ZSWIM9: variants seen among roughly 807,000 people sequenced by gnomAD.
ZSWIM9 encodes uncharacterized protein ZSWIM9.
A neutral mutation model predicts 25.0 loss-of-function variants in ZSWIM9; 11 were observed. The ratio of observed to expected loss-of-function variants is 0.44; its 90% CI spans 0.28 to 0.73. ZSWIM9 has a LOEUF of 0.73. ZSWIM9 is among the 30% of genes least tolerant of loss of function. The probability of loss-of-function intolerance (pLI) is 0.16; values close to 1 mark genes in which losing one functional copy is unlikely to be tolerated. For synonymous variants in ZSWIM9, 562 were observed against 582.1 expected, an observed-to-expected ratio of 0.97 and a Z score of 0.50; for missense variants, 1,070 against 1,296.5, an observed-to-expected ratio of 0.83 and a Z score of 2.68.
intron 2 of ZSWIM9, among the ~76,000 whole-genome samples, chr19:48,172,961 G>A (rs2036856005): frequency 6.6e-6 from 1 of 152,162 alleles, no homozygotes; most frequent in Non-Finnish European, 1.5e-5. Context: ...GAAGAGCCAG[G>A]TTTTGTACAC....
At chr19:48,174,991 G>C (rs2036878101) in intron 2 of ZSWIM9, 1 of 152,190 alleles carries the variant, frequency 6.6e-6, no homozygotes, top group African/African-American at 2.4e-5. Flanking sequence ...TAGTGAGAGT[G>C]AGATTGAGGG....
chr19:48,179,043 C>CA (rs1387122223), intron 2 of ZSWIM9, among the ~76,000 whole-genome samples: 1 of 152,118 alleles, frequency 6.6e-6, no homozygotes, highest in African/African-American at 2.4e-5. Context: ...TAAAATCTGC[C>CA]AAAAAATGCT....
chr19:48,173,360 G>A (rs540455209), intron 2 of ZSWIM9, among the ~76,000 whole-genome samples: 2 of 152,284 alleles, frequency 1.3e-5, no homozygotes, highest in East Asian at 3.9e-4. Context: ...GAGCAGTAGT[G>A]CGATCTTGGC....
Position 48,182,913 on chromosome 19 carries a change from C to T in ZSWIM9, c.588+146C>T, listed in dbSNP as rs977138941. On this transcript the variant is annotated intron_variant, in intron 3 of 3. Coordinates refer to ENST00000614654, the MANE Select transcript of ZSWIM9 (RefSeq NM_199341.4). This position sits in a 1 kb window ranked among gnomAD's most constrained non-coding sequence, Gnocchi z 4.6. The stretch of plus-strand genomic sequence containing the variant: ...GTTCATTCATTCAATAAGTACTTAC[C>T]GAGGCATTGGGGATGCAGCAGCAAA... 1.6e-5 allele frequency: 11 copies of T among 678,462 alleles called. No homozygotes were observed. Among genetic ancestry groups the T allele is most frequent in the South Asian group, 3.8e-5 (2 of 52,134 alleles). 42.0% of individuals were successfully genotyped at this position (678,462 alleles called of 1,614,324 possible).
At chr19:48,187,528 TATA>T (rs2037037573) in intron 3 of ZSWIM9, 1 of 83,702 alleles carries the variant, frequency 1.2e-5, no homozygotes, top group Admixed American at 2.1e-4. Flanking sequence ...TATTATATAT[TATA>T]TTATTATTAT....
Position 48,195,906 on chromosome 19 carries a change from T to A in ZSWIM9, c.1842T>A (p.Phe614Leu). 1 of 1,384,934 alleles carries A rather than the reference T, an allele frequency of 7.2e-7. No homozygotes were observed. Among genetic ancestry groups the A allele is most frequent in the Non-Finnish European group, 9.3e-7 (1 of 1,074,154 alleles). 85.8% of individuals were successfully genotyped at this position (1,384,934 alleles called of 1,614,324 possible). ...RSTTDLRGTQ[F>L]DYERVRSLEG... Reference sequence around the variant, plus strand: ...CCACCGACCTGAGGGGGACCCAGTTTGACTATGAGAGGGTCAGGAGTCTTG... The same window carrying A: ...CCACCGACCTGAGGGGGACCCAGTTAGACTATGAGAGGGTCAGGAGTCTTG... The change falls in exon 4 of 4, where the codon TTT (phenylalanine) becomes TTA (leucine). Residue 614 changes from phenylalanine (F) to leucine (L), a missense_variant. Around this residue, in one of 4 missense-constraint regions of ZSWIM9, gnomAD observed 583 missense variants for 624.7 expected, o/e 0.93. Coordinates refer to ENST00000614654, the MANE Select transcript of ZSWIM9 (RefSeq NM_199341.4). The surrounding 1 kb of genome is among the most constrained non-coding windows in gnomAD (Gnocchi z 5.8).
intron 3 of ZSWIM9, among the ~76,000 whole-genome samples, chr19:48,192,482 T>A (rs867298439): frequency 1.4e-3 from 33 of 23,980 alleles, no homozygotes; most frequent in Middle Eastern, 0.017. Context: ...AAAAAAAAAA[T>A]ATATATATAT....
At position 48,197,203 on chromosome 19, in the gene ZSWIM9, C is replaced by T. The variant is rs1323932753; in HGVS notation, c.*376C>T. 1 of 700,018 alleles carries T rather than the reference C, an allele frequency of 1.4e-6. No individual in the cohort carries two copies. Among genetic ancestry groups the T allele is most frequent in the South Asian group, 1.5e-5 (1 of 67,380 alleles). 43.4% of individuals were successfully genotyped at this position (700,018 alleles called of 1,614,324 possible). A position where few individuals can be genotyped will look rare whatever the true frequency, so the allele number is the denominator to read the frequency against. On this transcript the variant is annotated 3_prime_UTR_variant, in exon 4 of 4. Transcript: ENST00000614654. ...GAGTGTCTGGCAAGAGTAGACTGGC[C>T]AGTCTAGGGAGTGCAGCGGGGAGAG...
chr19:48,194,231 GA>G lies in ZSWIM9; in HGVS notation c.589-421del, dbSNP rs1245300998. Among the ~76,000 whole-genome samples the G allele has an allele frequency of 1.3e-5, 2 of 152,136 alleles. No homozygotes were observed. Among genetic ancestry groups the G allele is most frequent in the Non-Finnish European group, 2.9e-5 (2 of 68,022 alleles). ...CCAGAGTTTCAGACTCAGTGGGTCT[GA>G]GGTGGCCCCGAGAAGGTGCATTTCT... On this transcript the variant is annotated intron_variant, in intron 3 of 3. Transcript: ENST00000614654. The surrounding 1 kb of genome is among the most constrained non-coding windows in gnomAD (Gnocchi z 6.0).
At position 48,182,496 on chromosome 19, in the gene ZSWIM9, T is replaced by G; in HGVS notation, c.317T>G (p.Leu106Arg). 6.5e-7 allele frequency: 1 copy of G among 1,535,562 alleles called. No individual in the cohort carries two copies. Among genetic ancestry groups the G allele is most frequent in the Non-Finnish European group, 8.7e-7 (1 of 1,146,600 alleles). ...TGCCCCGCCTTCATCATCGTCAAGC[T>G]GAGCCCGCTGCGGGACCGCCTCGTG... is the stretch of plus-strand genomic sequence containing the variant. ...PGCPAFIIVK[L>R]SPLRDRLVVT... The change falls in exon 3 of 4, where the codon CTG (leucine) becomes CGG (arginine). Residue 106 changes from leucine (L) to arginine (R), a missense_variant. Transcript: ENST00000614654. The surrounding 1 kb of genome is among the most constrained non-coding windows in gnomAD (Gnocchi z 4.6).
At chr19:48,192,156 A>C in intron 3 of ZSWIM9, among the ~76,000 whole-genome samples, 1 of 151,300 alleles carries the variant, frequency 6.6e-6, no homozygotes, top group Non-Finnish European at 1.5e-5. Flanking sequence ...GTCTCCTCTC[A>C]CTCAGTGGTG....
chr19:48,191,244 G>A (rs1442495377), intron 3 of ZSWIM9, among the ~76,000 whole-genome samples: 11 of 151,984 alleles, frequency 7.2e-5, no homozygotes, highest in East Asian at 3.9e-4. Context: ...TCTCTCTGTC[G>A]CCCAGGCTGG....
intron 3 of ZSWIM9, among the ~76,000 whole-genome samples, chr19:48,185,904 T>C (rs1053172047): frequency 6.6e-6 from 1 of 152,220 alleles, no homozygotes; most frequent in Admixed American, 6.5e-5. Context: ...AAGAATCGCT[T>C]GAACCCAGGA....
At position 48,196,723 on chromosome 19, in the gene ZSWIM9, C is replaced by A; in HGVS notation, c.2659C>A (p.Arg887Ser). Residue 887 changes from arginine to serine, a missense_variant, in exon 4 of 4, where the codon CGT (arginine) becomes AGT (serine). Physicochemically the swap from Arg to Ser is moderately radical, Grantham distance 110. This residue lies in a region of ZSWIM9 where 583 missense variants were observed against 624.7 expected (regional missense o/e 0.93). Coordinates refer to ENST00000614654, the MANE Select transcript of ZSWIM9 (RefSeq NM_199341.4). ...CAGCTGCTCAATTCACGCCGCCCGC[C>A]GTCTGCCCTGCAGACACCTCTTTGC... The part of the protein sequence containing the change: ...RCSCSIHAAR[R>S]LPCRHLFAAR... 1 of 1,233,020 alleles carries A rather than the reference C, an allele frequency of 8.1e-7. No homozygotes were observed. The highest frequency in any genetic ancestry group is 4.1e-5 in the South Asian group (1 of 24,346). 76.4% of individuals were successfully genotyped at this position (1,233,020 alleles called of 1,614,324 possible).
Position 48,196,791 on chromosome 19 carries a change from G to C in ZSWIM9, c.2727G>C (p.Leu909=), listed in dbSNP as rs1023719073. 2 of 1,236,350 alleles carry C rather than the reference G, an allele frequency of 1.6e-6. No homozygotes were observed. The highest frequency in any genetic ancestry group is 8.1e-5 in the South Asian group (2 of 24,668). 76.6% of individuals were successfully genotyped at this position (1,236,350 alleles called of 1,614,324 possible). The change falls in exon 4 of 4, where the codon CTG becomes CTC. Residue 909 remains leucine (L), a synonymous_variant. Transcript: ENST00000614654. ...GGGCTGCCTTATTCCACATGGACCTGCTCAGGGATTGCTGGGGGAGAGCCC... is the reference window on the plus strand; with the variant it reads ...GGGCTGCCTTATTCCACATGGACCTCCTCAGGGATTGCTGGGGGAGAGCCC... ...LTGAALFHMD[L]LRDCWGRAPE...
chr19:48,196,218 C>A lies in ZSWIM9; in HGVS notation c.2154C>A (p.Val718=), dbSNP rs576922261. ...GGGGCCTGGAGGATATAGTTCTGGTCCAGCTGGGAGACACGAGGGTCACAG... is the reference window on the plus strand; with the variant it reads ...GGGGCCTGGAGGATATAGTTCTGGTACAGCTGGGAGACACGAGGGTCACAG... ...RRRGLEDIVL[V]QLGDTRVTGM... The change falls in exon 4 of 4, where the codon GTC becomes GTA. Residue 718 remains valine (V), a synonymous_variant. Coordinates refer to ENST00000614654, the MANE Select transcript of ZSWIM9 (RefSeq NM_199341.4). 4.9e-6 allele frequency: 6 copies of A among 1,233,492 alleles called. No individual in the cohort carries two copies. The African/African-American group carries it at 9.3e-5, about 19-fold the overall frequency. The allele number at this position is 1,233,492 out of a possible 1,614,324, so 76.4% of individuals were successfully genotyped here.
chr19:48,193,806 T>C (rs1204150862), intron 3 of ZSWIM9, among the ~76,000 whole-genome samples: 1 of 152,212 alleles, frequency 6.6e-6, no homozygotes, highest in Non-Finnish European at 1.5e-5. Context: ...ATGCATCTCA[T>C]CTTTCCAATC....
Position 48,195,412 on chromosome 19 carries a change from G to T in ZSWIM9, c.1348G>T (p.Gly450Trp). The change falls in exon 4 of 4, where the codon GGG (glycine) becomes TGG (tryptophan). Residue 450 changes from glycine (G) to tryptophan (W), a missense_variant. By Grantham distance (184) the Gly-to-Trp change is radical. Coordinates refer to ENST00000614654, the MANE Select transcript of ZSWIM9 (RefSeq NM_199341.4). This position sits in a 1 kb window ranked among gnomAD's most constrained non-coding sequence, Gnocchi z 5.8. ...GGCGGTGCCCGAGGGGCCCGATGGC[G>T]GGGGGCCTTGGCTGGAGGATGAGCC... ...GEAVPEGPDG[G>W]GPWLEDEPGR... The T allele has an allele frequency of 2.7e-6, 4 of 1,459,930 alleles. No individual in the cohort carries two copies. The highest frequency in any genetic ancestry group is 1.4e-5 in the South Asian group (1 of 70,794). 90.4% of individuals were successfully genotyped at this position (1,459,930 alleles called of 1,614,324 possible).
chr19:48,180,754 C>CA (rs1223314617), intron 2 of ZSWIM9: 2 of 134,546 alleles, frequency 1.5e-5, no homozygotes, highest in East Asian at 2.1e-4. Context: ...TTTCTTTTTT[C>CA]TTTTTTTTTT....
Sources: allele counts gnomAD v4.1 joint callset (sites outside exome capture counted in the v4.1 genomes callset), GRCh38; gene constraint gnomAD v4.1.1; regional missense constraint gnomAD v4.1.1; non-coding constraint Gnocchi (gnomAD v3.1); transcripts MANE v1.5; gene names NCBI Gene and HGNC (gene_info 2026-07-23, HGNC 2026-07-21).